EPB41L3: variants seen among roughly 807,000 people sequenced by gnomAD.
EPB41L3 encodes band 4.1-like protein 3.
A neutral mutation model predicts 127.1 loss-of-function variants in EPB41L3; 57 were observed. The ratio of observed to expected loss-of-function variants is 0.45; its 90% confidence interval spans 0.36 to 0.56. EPB41L3 has a LOEUF of 0.56. EPB41L3 is among the 20% of genes least tolerant of loss of function. The pLI is 0.00. For synonymous variants in EPB41L3, 572 were observed against 549.5 expected (o/e 1.04, Z -0.57); for missense variants, 1,273 against 1,372.2 (o/e 0.93, Z 1.14).
chr18:5,444,935 C>T (rs2081276097), intron 4 of EPB41L3, among the ~76,000 whole-genome samples: 1 of 152,030 alleles, frequency 6.6e-6, no homozygotes, highest in South Asian at 2.1e-4. Context: ...TTTACTGTTA[C>T]CAGAATATTC....
intron 3 of EPB41L3, among the ~76,000 whole-genome samples, chr18:5,595,701 T>A (rs1158694150): frequency 6.6e-6 from 1 of 152,124 alleles, no homozygotes; most frequent in Non-Finnish European, 1.5e-5. Flanking sequence ...ACATACTTGA[T>A]TTTTAAAAAA....
In EPB41L3 at chr18:5,478,261, C is replaced by G. The variant is rs757631686; in HGVS notation, c.361G>C (p.Glu121Gln). Residue 121 changes from glutamate to glutamine, a missense_variant, in exon 3 of 23, where the codon GAA (glutamate) becomes CAA (glutamine). This residue lies in a region of EPB41L3 where 326 missense variants were observed against 440.2 expected (regional missense o/e 0.74). Transcript: ENST00000341928. ...QCKVILLDGS[E>Q]YTCDVEKRSR... is the part of the protein sequence containing the mutation. ...CTTACCTCTACATCACAGGTATATT[C>G]TGATCCATCGAGAAGTATCACTTTG... The G allele has an allele frequency of 4.0e-5, 64 of 1,614,028 alleles. No individual in the cohort carries two copies. The highest frequency in any genetic ancestry group is 5.3e-5 in the Non-Finnish European group (63 of 1,179,994).
At chr18:5,582,671 A>C (rs904474130) in intron 3 of EPB41L3, among the ~76,000 whole-genome samples, 1 of 152,238 alleles carries the variant, frequency 6.6e-6, no homozygotes, top group Non-Finnish European at 1.5e-5. Flanking sequence ...TCTAGCTCCC[A>C]CTTTGGAAAG....
chr18:5,540,962 G>A (rs928545397), intron 1 of EPB41L3, among the ~76,000 whole-genome samples: 6 of 151,718 alleles, frequency 4.0e-5, no homozygotes, highest in Non-Finnish European at 2.9e-5. Flanking sequence ...GCGGGCGCCT[G>A]TAGTCCCAGC....
intron 12 of EPB41L3, among the ~76,000 whole-genome samples, chr18:5,416,725 CAT>C (rs1491135019): frequency 6.6e-6 from 1 of 152,084 alleles, no homozygotes; most frequent in Non-Finnish European, 1.5e-5. Context: ...GGGGAGCAAA[CAT>C]AAGTAAATCT....
At chr18:5,456,828 G>T (rs2083157245) in intron 3 of EPB41L3, among the ~76,000 whole-genome samples, 1 of 152,210 alleles carries the variant, frequency 6.6e-6, no homozygotes, top group Non-Finnish European at 1.5e-5. Context: ...TGTGACAGGG[G>T]TAAGGAGGAA....
intron 3 of EPB41L3, among the ~76,000 whole-genome samples, chr18:5,472,942 A>G (rs914448901): frequency 6.6e-6 from 1 of 152,178 alleles, no homozygotes; most frequent in Non-Finnish European, 1.5e-5. Context: ...GCATCTCTGG[A>G]TGGTCTCAAA....
intron 11 of EPB41L3, among the ~76,000 whole-genome samples, 161 bp downstream of exon 11, chr18:5,423,217 C>T (rs551655270): frequency 6.6e-6 from 1 of 152,198 alleles, no homozygotes; most frequent in South Asian, 2.1e-4. Flanking sequence ...ACTTTCATTT[C>T]GCTGGGGGAG....
At chr18:5,626,830 C>G (rs1244462705) in intron 1 of EPB41L3, among the ~76,000 whole-genome samples, 2 of 152,150 alleles carry the variant, frequency 1.3e-5, no homozygotes, top group Admixed American at 6.5e-5. Flanking sequence ...CTCCCTAATT[C>G]CTCAAGAGGA....
At chr18:5,574,639 C>T (rs944002039) in intron 3 of EPB41L3, among the ~76,000 whole-genome samples, 8 of 152,168 alleles carry the variant, frequency 5.3e-5, no homozygotes, top group Admixed American at 4.6e-4. Flanking sequence ...ACATACCAGG[C>T]AGAGGCTCTG....
intron 1 of EPB41L3, chr18:5,540,446 G>C (rs1186099782): frequency 4.1e-6 from 4 of 985,240 alleles, no homozygotes; most frequent in Admixed American, 6.2e-5. Context: ...CCCCACCCTT[G>C]TTTCCTTTGA....
chr18:5,490,513 T>C (rs1466718435), intron 1 of EPB41L3, among the ~76,000 whole-genome samples: 2 of 152,226 alleles, frequency 1.3e-5, no homozygotes, highest in Non-Finnish European at 2.9e-5. Context: ...TTAGGGTTAC[T>C]TTCACAATCA....
chr18:5,491,777 C>T (rs1226746947), intron 1 of EPB41L3, among the ~76,000 whole-genome samples: 1 of 152,128 alleles, frequency 6.6e-6, no homozygotes, highest in Non-Finnish European at 1.5e-5. Context: ...ACTGTCAAGG[C>T]TACTGAGAGA....
At chr18:5,456,373 ATATT>A (rs1375056855) in intron 3 of EPB41L3, among the ~76,000 whole-genome samples, 2 of 152,250 alleles carry the variant, frequency 1.3e-5, no homozygotes, top group Admixed American at 1.3e-4. Flanking sequence ...AACCACCAGC[ATATT>A]TAAAGATGTA....
chr18:5,500,091 C>T (rs773128368), intron 1 of EPB41L3, among the ~76,000 whole-genome samples: 5 of 152,116 alleles, frequency 3.3e-5, no homozygotes, highest in East Asian at 1.9e-4. Context: ...TAATCAGTTA[C>T]GATTTTGAAG....
chr18:5,524,341 C>A (rs905124286), intron 1 of EPB41L3, among the ~76,000 whole-genome samples: 2 of 152,038 alleles, frequency 1.3e-5, no homozygotes, highest in African/African-American at 4.8e-5. Flanking sequence ...TTACAGGCAC[C>A]TGCCACCACG....
At chr18:5,560,316 G>T (rs570958861) in intron 3 of EPB41L3, among the ~76,000 whole-genome samples, 2 of 152,248 alleles carry the variant, frequency 1.3e-5, no homozygotes, top group South Asian at 4.1e-4. Flanking sequence ...AGCCATAATT[G>T]ACACTAATCT....
At chr18:5,492,932 C>T (rs528175946) in intron 1 of EPB41L3, among the ~76,000 whole-genome samples, 1 of 152,216 alleles carries the variant, frequency 6.6e-6, no homozygotes, top group African/African-American at 2.4e-5. Flanking sequence ...TGGTAATGAG[C>T]TTCAAAGGAT....
intron 2 of EPB41L3, among the ~76,000 whole-genome samples, chr18:5,485,358 C>A (rs2089552868): frequency 6.6e-6 from 1 of 151,852 alleles, no homozygotes; most frequent in African/African-American, 2.4e-5. Flanking sequence ...CGAAATAATA[C>A]ACACCATATA....
Sources: allele counts gnomAD v4.1 joint callset (sites outside exome capture counted in the v4.1 genomes callset), GRCh38; gene constraint gnomAD v4.1.1; regional missense constraint gnomAD v4.1.1; transcripts MANE v1.5; gene names NCBI Gene and HGNC (gene_info 2026-07-23, HGNC 2026-07-21).